SUSD1: variants seen among roughly 807,000 people sequenced by gnomAD.
SUSD1 encodes sushi domain containing 1, also known as sushi domain-containing protein 1.
Under a neutral mutation model 86.9 loss-of-function variants are expected in SUSD1, and 65 were observed. The observed-to-expected ratio is 0.75, with a 90% confidence interval of 0.61 to 0.92. The LOEUF is 0.92. Ranked by LOEUF, SUSD1 falls within the 40% of genes least tolerant of loss-of-function variation. The probability of loss-of-function intolerance (pLI) is 0.00; values close to 1 mark genes in which losing one functional copy is unlikely to be tolerated. For synonymous variants in SUSD1, 346 were observed against 350.0 expected (o/e 0.99, Z 0.13); for missense variants, 850 against 929.7 (o/e 0.91, Z 1.11).
chr9:112,160,056 T>C (rs1260328912), intron 1 of SUSD1, among the ~76,000 whole-genome samples: 2 of 151,474 alleles, frequency 1.3e-5, no homozygotes, highest in African/African-American at 4.8e-5. Context: ...AACACTAGAA[T>C]TTTAATATAA....
intron 15 of SUSD1, among the ~76,000 whole-genome samples, chr9:112,047,381 G>C (rs1828001918): frequency 6.6e-6 from 1 of 152,134 alleles, no homozygotes; most frequent in Non-Finnish European, 1.5e-5. Context: ...ATTTGGGTGG[G>C]TACATAGAAG....
intron 9 of SUSD1, among the ~76,000 whole-genome samples, chr9:112,099,651 G>C (rs1406467915): frequency 6.6e-6 from 1 of 152,196 alleles, no homozygotes; most frequent in South Asian, 2.1e-4. Flanking sequence ...GGTCCTATAA[G>C]TAATATGATC....
At chr9:112,050,383 G>A (rs1828137633) in intron 15 of SUSD1, among the ~76,000 whole-genome samples, 1 of 152,136 alleles carries the variant, frequency 6.6e-6, no homozygotes. Flanking sequence ...CAGTTGGTTT[G>A]AGCAGAGGTA....
At chr9:112,164,567 T>G (rs1212892639) in intron 1 of SUSD1, among the ~76,000 whole-genome samples, 1 of 149,122 alleles carries the variant, frequency 6.7e-6, no homozygotes, top group East Asian at 2.0e-4. Flanking sequence ...AAGAGAAAAC[T>G]CATATATCCC....
intron 13 of SUSD1, 91 bp from the exon 14 acceptor site, chr9:112,058,777 AC>A (rs1319490321): frequency 6.7e-7 from 1 of 1,493,794 alleles, no homozygotes; most frequent in African/African-American, 1.4e-5. Context: ...TATGAGACAA[AC>A]CTCTTTCTTT....
intron 3 of SUSD1, among the ~76,000 whole-genome samples, chr9:112,144,234 G>A (rs1020983612): frequency 6.0e-5 from 9 of 149,770 alleles, no homozygotes; most frequent in African/African-American, 1.2e-4. Flanking sequence ...GCAAGACCCC[G>A]TCTCAAAGAA....
intron 1 of SUSD1, among the ~76,000 whole-genome samples, chr9:112,164,412 G>A (rs1389083712): frequency 1.3e-5 from 2 of 151,858 alleles, no homozygotes; most frequent in African/African-American, 2.4e-5. Flanking sequence ...TGGGCTTCTC[G>A]AATTTTAAAG....
intron 6 of SUSD1, among the ~76,000 whole-genome samples, chr9:112,115,808 C>CAA (rs1406590665): frequency 0.39 from 22,702 of 58,722 alleles, 4,253 homozygotes; most frequent in African/African-American, 0.6. Flanking sequence ...GACTCCATTG[C>CAA]AAAAAAAAAA....
chr9:112,133,349 G>A lies in SUSD1; in HGVS notation c.707-8913C>T, dbSNP rs536701682. On this transcript the variant is annotated intron_variant, in intron 5 of 16. Transcript: ENST00000374270. ...AAGCTACAGCAACCAAAACAGCATG[G>A]TACTGGTACATAGGCCAATAGGCCA... Among the ~76,000 whole-genome samples the A allele has an allele frequency of 3.3e-5, 5 of 152,280 alleles. No individual in the cohort carries two copies. The South Asian group carries it at 1.0e-3, about 32-fold the overall frequency.
At chr9:112,081,042 T>C (rs1246253363) in intron 10 of SUSD1, among the ~76,000 whole-genome samples, 1 of 152,226 alleles carries the variant, frequency 6.6e-6, no homozygotes, top group Non-Finnish European at 1.5e-5. Context: ...AGTTCAGATC[T>C]GATACAGTTT....
At chr9:112,133,731 T>G (rs972273965) in intron 5 of SUSD1, among the ~76,000 whole-genome samples, 1 of 152,126 alleles carries the variant, frequency 6.6e-6, no homozygotes, top group East Asian at 1.9e-4. Context: ...CTAATTAAAC[T>G]AAGGAGCCTC....
intron 3 of SUSD1, among the ~76,000 whole-genome samples, chr9:112,146,543 A>G (rs79544793): frequency 0.039 from 5,986 of 151,898 alleles, 412 homozygotes; most frequent in African/African-American, 0.14. Flanking sequence ...CCTTACATAA[A>G]ATATTTTTTT....
At position 112,175,125 on chromosome 9, in the gene SUSD1, G is replaced by A; in HGVS notation, c.103+8C>T. The A allele has an allele frequency of 9.6e-7, 1 of 1,037,248 alleles. No homozygotes were observed. The highest frequency in any genetic ancestry group is 1.2e-6 in the Non-Finnish European group (1 of 866,452). The allele number at this position is 1,037,248 out of a possible 1,614,324, so 64.3% of individuals were successfully genotyped here. A position where few individuals can be genotyped will look rare whatever the true frequency, so the allele number is the denominator to read the frequency against. On this transcript the variant is annotated splice_region_variant and intron_variant, in intron 1 of 16. Coordinates refer to ENST00000374270, the MANE Select transcript of SUSD1 (RefSeq NM_022486.5). This position sits in a 1 kb window ranked among gnomAD's most constrained non-coding sequence, Gnocchi z 4.7. ...CGGCCGCCCGTGCCCGTCCCAGCCCGCACTCACCGTCGGGGCCCGGCGCTC... is the reference window on the plus strand; with the variant it reads ...CGGCCGCCCGTGCCCGTCCCAGCCCACACTCACCGTCGGGGCCCGGCGCTC...
At chr9:112,152,392 G>T (rs80210063) in intron 2 of SUSD1, among the ~76,000 whole-genome samples, 4 of 150,488 alleles carry the variant, frequency 2.7e-5, no homozygotes, top group Admixed American at 6.7e-5. Flanking sequence ...ATTCTATATG[G>T]TTTTTTTTGT....
intron 1 of SUSD1, among the ~76,000 whole-genome samples, chr9:112,162,597 A>G (rs927280801): frequency 7.9e-5 from 12 of 152,356 alleles, no homozygotes; most frequent in African/African-American, 2.9e-4. Flanking sequence ...ATATGATTCT[A>G]TTGAAACAAT....
At chr9:112,124,147 C>G in intron 6 of SUSD1, 110 bp downstream of exon 6, 1 of 1,071,016 alleles carries the variant, frequency 9.3e-7, no homozygotes, top group Non-Finnish European at 1.3e-6. Context: ...GGTAAATAGC[C>G]GAGCTGGGTA....
chr9:112,080,307 G>C, intron 10 of SUSD1, 142 bp from the exon 11 acceptor site: 1 of 588,026 alleles, frequency 1.7e-6, no homozygotes, highest in Non-Finnish European at 3.1e-6. Context: ...CAGTCTCAAA[G>C]TAATACCACT....
At chr9:112,163,420 GC>G (rs1833651509) in intron 1 of SUSD1, among the ~76,000 whole-genome samples, 1 of 151,188 alleles carries the variant, frequency 6.6e-6, no homozygotes, top group Non-Finnish European at 1.5e-5. Context: ...TCCTACCTCA[GC>G]CTACCAAAGT....
intron 14 of SUSD1, 43 bp downstream of exon 14, chr9:112,058,385 A>G (rs1233606290): frequency 1.3e-6 from 2 of 1,587,384 alleles, no homozygotes; most frequent in African/African-American, 2.7e-5. Context: ...TGTCATACGA[A>G]GAAGAAAATA....
Sources: gnomAD v4.1 joint callset for allele counts (sites outside exome capture counted in the v4.1 genomes callset) on GRCh38, gnomAD v4.1.1 for gene constraint, Gnocchi (gnomAD v3.1) non-coding constraint, MANE v1.5 for transcripts, NCBI Gene and HGNC (gene_info 2026-07-23, HGNC 2026-07-21) for gene names.